Variants in SPOCK1 observed in about 807,000 individuals in gnomAD.
The protein encoded by SPOCK1 is testican-1.
Under a neutral mutation model 55.3 loss-of-function variants are expected in SPOCK1, and 23 were observed. That is an observed-to-expected ratio of 0.42 (90% confidence interval 0.30 to 0.59). The LOEUF is 0.59. Among genes scored for constraint, SPOCK1 ranks in the 20% least tolerant of loss-of-function variants. The pLI, the probability that SPOCK1 is intolerant of heterozygous loss-of-function variation, is 0.22. For synonymous variants in SPOCK1, 226 were observed against 221.0 expected, an observed-to-expected ratio of 1.02 and a Z score of -0.20; for missense variants, 499 against 552.5, an observed-to-expected ratio of 0.90 and a Z score of 0.97.
intron 2 of SPOCK1, among the ~76,000 whole-genome samples, chr5:137,322,870 C>A (rs1255713304): frequency 1.3e-5 from 2 of 152,074 alleles, no homozygotes; most frequent in Non-Finnish European, 2.9e-5. Context: ...GCTGGCAAGT[C>A]CAACACTGAG....
At chr5:137,219,877 G>A (rs1475470823) in intron 3 of SPOCK1, among the ~76,000 whole-genome samples, 2 of 152,176 alleles carry the variant, frequency 1.3e-5, no homozygotes, top group Non-Finnish European at 2.9e-5. Flanking sequence ...TTTTAGAGCT[G>A]CTTTGCCTCC....
intron 3 of SPOCK1, among the ~76,000 whole-genome samples, chr5:137,153,415 T>C (rs188888393): frequency 6.6e-6 from 1 of 152,350 alleles, no homozygotes; most frequent in East Asian, 1.9e-4. Flanking sequence ...CTTCAATTTG[T>C]CAATTCAACA....
At position 137,285,788 on chromosome 5, in the gene SPOCK1, G is replaced by GA. The variant is rs560419967; in HGVS notation, c.187-18734dup. ...TGTTCAGGCATGGAAGAGCCCTAGG[G>GA]AGATATTTGTAAGAGGGGAGAATAC... On this transcript the variant is annotated intron_variant, in intron 2 of 10. Transcript: ENST00000394945. Among the ~76,000 whole-genome samples, 7 of 152,292 alleles carry GA rather than the reference G, an allele frequency of 4.6e-5. No homozygotes were observed. The East Asian group carries it at 7.7e-4, about 17-fold the overall frequency.
intron 3 of SPOCK1, among the ~76,000 whole-genome samples, chr5:137,259,855 C>T (rs145135427): frequency 6.6e-6 from 1 of 152,146 alleles, no homozygotes; most frequent in Non-Finnish European, 1.5e-5. Context: ...CTTCTTTGGC[C>T]TTTTTTCTTT....
At chr5:137,434,966 GA>G (rs1401973678) in intron 2 of SPOCK1, among the ~76,000 whole-genome samples, 23 of 152,226 alleles carry the variant, frequency 1.5e-4, no homozygotes, top group African/African-American at 5.3e-4. Flanking sequence ...AAAACATGAA[GA>G]AACAAAAAGA....
At chr5:137,031,754 G>C (rs1751783995) in intron 6 of SPOCK1, among the ~76,000 whole-genome samples, 1 of 152,032 alleles carries the variant, frequency 6.6e-6, no homozygotes, top group South Asian at 2.1e-4. Context: ...TTAATACCAA[G>C]TCCTCAAAGC....
At chr5:137,059,202 C>T (rs2127001853) in intron 6 of SPOCK1, among the ~76,000 whole-genome samples, 1 of 100,104 alleles carries the variant, frequency 1.0e-5, no homozygotes, top group South Asian at 3.1e-4. Flanking sequence ...GCTAAGTAGT[C>T]ATTACATATT....
intron 7 of SPOCK1, 156 bp from the exon 8 acceptor site, chr5:136,988,799 A>C (rs951235270): frequency 1.7e-6 from 1 of 589,452 alleles, no homozygotes; most frequent in African/African-American, 1.8e-5. Flanking sequence ...GGTTCTCTAG[A>C]ATATTTTGTG....
intron 2 of SPOCK1, among the ~76,000 whole-genome samples, chr5:137,318,720 A>C (rs1757927965): frequency 1.3e-5 from 2 of 152,218 alleles, no homozygotes; most frequent in African/African-American, 4.8e-5. Context: ...CCTTCTTTGA[A>C]AGTAAAGTGT....
At chr5:137,160,826 A>T (rs1754540214) in intron 3 of SPOCK1, among the ~76,000 whole-genome samples, 1 of 143,336 alleles carries the variant, frequency 7.0e-6, no homozygotes, top group African/African-American at 2.6e-5. Flanking sequence ...TTCCTAAAAG[A>T]GCTAAAAATG....
intron 3 of SPOCK1, among the ~76,000 whole-genome samples, chr5:137,154,511 G>A (rs1232757182): frequency 6.6e-6 from 1 of 152,178 alleles, no homozygotes. Flanking sequence ...TATAGCAATA[G>A]ATCTCATGAC....
chr5:137,160,830 A>T (rs1161060456), intron 3 of SPOCK1, among the ~76,000 whole-genome samples: 1 of 143,656 alleles, frequency 7.0e-6, no homozygotes, highest in Non-Finnish European at 1.5e-5. Context: ...TAAAAGAGCT[A>T]AAAATGTAAC....
At chr5:137,115,252 T>A (rs894121231) in intron 4 of SPOCK1, among the ~76,000 whole-genome samples, 15 of 152,066 alleles carry the variant, frequency 9.9e-5, no homozygotes, top group Admixed American at 4.6e-4. Context: ...AATCACAGAA[T>A]GTCAGAACGA....
At chr5:137,293,555 A>G (rs555199898) in intron 2 of SPOCK1, among the ~76,000 whole-genome samples, 15 of 137,990 alleles carry the variant, frequency 1.1e-4, no homozygotes, top group Admixed American at 8.8e-4. Context: ...GAAACCTGTC[A>G]TGGGGCTCTG....
chr5:137,133,597 G>A (rs1348911595), intron 4 of SPOCK1, among the ~76,000 whole-genome samples: 2 of 152,106 alleles, frequency 1.3e-5, no homozygotes. Context: ...AGGAACAGAG[G>A]AGTTAAGTGG....
At chr5:137,256,162 G>A (rs1207896657) in intron 3 of SPOCK1, among the ~76,000 whole-genome samples, 1 of 152,130 alleles carries the variant, frequency 6.6e-6, no homozygotes, top group African/African-American at 2.4e-5. Context: ...ATGGATTTTT[G>A]AGTATGAGAC....
chr5:137,375,410 C>T (rs1032040326), intron 2 of SPOCK1, among the ~76,000 whole-genome samples: 5 of 152,174 alleles, frequency 3.3e-5, no homozygotes, highest in African/African-American at 1.2e-4. Flanking sequence ...ACTGTCATTA[C>T]CCTTGGGAAG....
intron 2 of SPOCK1, among the ~76,000 whole-genome samples, chr5:137,403,049 C>A (rs1301697406): frequency 6.6e-6 from 1 of 152,254 alleles, no homozygotes; most frequent in Non-Finnish European, 1.5e-5. Context: ...CTGGAACCAT[C>A]TAAACTTGTC....
chr5:137,030,766 G>A (rs190135919), intron 6 of SPOCK1, among the ~76,000 whole-genome samples: 90 of 152,310 alleles, frequency 5.9e-4, no homozygotes, highest in African/African-American at 2.1e-3. Context: ...TATCAAAGAT[G>A]TGGACAAACG....
Sources: allele counts gnomAD v4.1 joint callset (sites outside exome capture counted in the v4.1 genomes callset), GRCh38; gene constraint gnomAD v4.1.1; transcripts MANE v1.5; gene names NCBI Gene and HGNC (gene_info 2026-07-23, HGNC 2026-07-21).